Variants in CHCHD6 observed in about 807,000 individuals in gnomAD.
CHCHD6 encodes the protein coiled-coil-helix-coiled-coil-helix domain containing 6, also known as MICOS complex subunit MIC25.
In CHCHD6, 28 loss-of-function variants were observed where a neutral mutation model predicts 32.3. That is an observed-to-expected ratio of 0.87 (90% CI 0.64 to 1.19). CHCHD6 has a LOEUF of 1.19. Ranked by LOEUF, CHCHD6 falls within the 50% of genes most tolerant of loss-of-function variation. The probability of loss-of-function intolerance (pLI) is 0.00; values close to 1 mark genes in which losing one functional copy is unlikely to be tolerated. For synonymous variants in CHCHD6, 122 were observed against 117.5 expected (o/e 1.04, Z -0.25); for missense variants, 333 against 307.0 (o/e 1.08, Z -0.63).
intron 4 of CHCHD6, among the ~76,000 whole-genome samples, chr3:126,751,077 G>A (rs181295745): frequency 3.3e-5 from 5 of 152,262 alleles, no homozygotes; most frequent in East Asian, 3.9e-4. Context: ...AGTCACCACC[G>A]GTAGGGCTGA....
intron 4 of CHCHD6, among the ~76,000 whole-genome samples, chr3:126,743,653 C>T (rs914756189): frequency 1.3e-5 from 2 of 152,180 alleles, no homozygotes; most frequent in African/African-American, 4.8e-5. Context: ...CTCAGCTAGG[C>T]TCCTTGGCCT....
chr3:126,807,260 A>G (rs2107694249), intron 4 of CHCHD6, among the ~76,000 whole-genome samples: 1 of 152,300 alleles, frequency 6.6e-6, no homozygotes, highest in Admixed American at 6.5e-5. Flanking sequence ...CACACAGAGA[A>G]AAAAGGAACT....
intron 4 of CHCHD6, among the ~76,000 whole-genome samples, chr3:126,745,384 C>T (rs991666610): frequency 6.6e-6 from 1 of 152,198 alleles, no homozygotes; most frequent in African/African-American, 2.4e-5. Flanking sequence ...TCAAATGGCA[C>T]ACCTCTCCTG....
In CHCHD6 at chr3:126,805,433, A is replaced by C. The variant is rs1332539428; in HGVS notation, c.412-47214A>C. On this transcript the variant is annotated intron_variant, in intron 4 of 7. Transcript: ENST00000290913. ...CAGACAAACAGAGAGCCAAATCATGAGTGAACTCCCATTCACAATTGCTTC... is the reference window on the plus strand; with the variant it reads ...CAGACAAACAGAGAGCCAAATCATGCGTGAACTCCCATTCACAATTGCTTC... Among the ~76,000 whole-genome samples the C allele has an allele frequency of 2.0e-5, 3 of 152,138 alleles. No individual in the cohort carries two copies. The South Asian group carries it at 6.2e-4, about 32-fold the overall frequency.
chr3:126,709,155 A>G (rs1354839478), intron 1 of CHCHD6, among the ~76,000 whole-genome samples: 3 of 152,072 alleles, frequency 2.0e-5, no homozygotes, highest in Non-Finnish European at 4.4e-5. Context: ...ATTATCTTTT[A>G]TTGTTTCTTT....
chr3:126,951,783 G>A (rs545319565), intron 6 of CHCHD6, among the ~76,000 whole-genome samples: 2 of 152,294 alleles, frequency 1.3e-5, no homozygotes, highest in African/African-American at 2.4e-5. Flanking sequence ...CCAGCTCTGC[G>A]ACAATGGCAG....
chr3:126,740,209 T>C (rs1206198064), intron 4 of CHCHD6, among the ~76,000 whole-genome samples: 3 of 152,166 alleles, frequency 2.0e-5, no homozygotes, highest in Non-Finnish European at 2.9e-5. Flanking sequence ...GCCCTACTTG[T>C]CTGTGATTGA....
chr3:126,927,603 G>A (rs1014344396), intron 6 of CHCHD6, among the ~76,000 whole-genome samples: 1 of 152,194 alleles, frequency 6.6e-6, no homozygotes, highest in Non-Finnish European at 1.5e-5. Flanking sequence ...AAATGAAAAT[G>A]GCATTTCATT....
At chr3:126,885,992 T>G (rs984628859) in intron 5 of CHCHD6, among the ~76,000 whole-genome samples, 33 of 152,190 alleles carry the variant, frequency 2.2e-4, no homozygotes, top group African/African-American at 7.9e-4. Context: ...GCACGGGCAG[T>G]GGAGTGGAGC....
In CHCHD6 at chr3:126,715,708, C is replaced by T. The variant is rs904521479; in HGVS notation, c.87+11309C>T. Among the ~76,000 whole-genome samples, 3 of 144,020 alleles carry T rather than the reference C, an allele frequency of 2.1e-5. 1 individual carries two copies. The allele number at this position is 144,020 out of a possible 152,430, so 94.5% of individuals were successfully genotyped here. On this transcript the variant is annotated intron_variant, in intron 1 of 7. Coordinates refer to ENST00000290913, the MANE Select transcript of CHCHD6 (RefSeq NM_032343.3). ...GCCTGCCTCTTTCCCACGAGCCATA[C>T]TCAGGGCCTTGCTATCAGTTTTCCC...
rs1199093551 is a variant in CHCHD6, at chr3:126,785,451, A to C, written c.411+52229A>C. Among the ~76,000 whole-genome samples, 3 of 152,044 alleles carry C rather than the reference A, an allele frequency of 2.0e-5. No individual in the cohort carries two copies. In the East Asian group the frequency reaches 5.8e-4, roughly 29 times the overall value. On this transcript the variant is annotated intron_variant, in intron 4 of 7. Coordinates refer to ENST00000290913, the MANE Select transcript of CHCHD6 (RefSeq NM_032343.3). Reference sequence around the variant, plus strand: ...TCTAGCTCTCAGAAGTCTGACAGTCACTCTTGCTCCCATAGTCAAGGGAGA... The same window carrying C: ...TCTAGCTCTCAGAAGTCTGACAGTCCCTCTTGCTCCCATAGTCAAGGGAGA...
At chr3:126,825,221 C>A (rs1940337137) in intron 4 of CHCHD6, among the ~76,000 whole-genome samples, 1 of 151,996 alleles carries the variant, frequency 6.6e-6, no homozygotes, top group African/African-American at 2.4e-5. Context: ...TTTATAGTTA[C>A]ATAGCTATCT....
chr3:126,792,963 G>T (rs1346856822), intron 4 of CHCHD6, among the ~76,000 whole-genome samples: 1 of 152,078 alleles, frequency 6.6e-6, no homozygotes, highest in Non-Finnish European at 1.5e-5. Flanking sequence ...TCTTGGCAAG[G>T]AATTGACCCT....
chr3:126,727,506 C>T (rs911211350), intron 2 of CHCHD6, among the ~76,000 whole-genome samples: 4 of 152,354 alleles, frequency 2.6e-5, no homozygotes, highest in Non-Finnish European at 5.9e-5. Context: ...ATAGCCATGA[C>T]TCAGCTTCAG....
At chr3:126,722,033 A>G (rs1935323610) in intron 1 of CHCHD6, among the ~76,000 whole-genome samples, 1 of 152,166 alleles carries the variant, frequency 6.6e-6, no homozygotes, top group Non-Finnish European at 1.5e-5. Flanking sequence ...TTTGGCTATT[A>G]CAGATAATGC....
chr3:126,846,815 C>T (rs1001480569), intron 4 of CHCHD6, among the ~76,000 whole-genome samples: 20 of 152,188 alleles, frequency 1.3e-4, no homozygotes, highest in African/African-American at 3.6e-4. Flanking sequence ...TCATTATTTT[C>T]GCACGTACAC....
At chr3:126,829,502 C>G (rs1940544211) in intron 4 of CHCHD6, among the ~76,000 whole-genome samples, 2 of 151,776 alleles carry the variant, frequency 1.3e-5, no homozygotes, top group Admixed American at 1.3e-4. Context: ...CTTATTTCTG[C>G]AGGAGATGTT....
At chr3:126,925,607 A>G (rs1487777251) in intron 6 of CHCHD6, among the ~76,000 whole-genome samples, 1 of 152,030 alleles carries the variant, frequency 6.6e-6, no homozygotes, top group Non-Finnish European at 1.5e-5. Context: ...CCTCTGCCAC[A>G]GCATCAGTGT....
intron 4 of CHCHD6, among the ~76,000 whole-genome samples, chr3:126,787,870 G>A (rs949707645): frequency 6.6e-6 from 1 of 152,178 alleles, no homozygotes; most frequent in African/African-American, 2.4e-5. Context: ...ATGTTGAATA[G>A]GAGTGGTGAG....
Sources: allele counts gnomAD v4.1 joint callset (sites outside exome capture counted in the v4.1 genomes callset), GRCh38; gene constraint gnomAD v4.1.1; transcripts MANE v1.5; gene names NCBI Gene and HGNC (gene_info 2026-07-23, HGNC 2026-07-21).